CTNNA3: variants seen among roughly 807,000 people sequenced by gnomAD.
CTNNA3 encodes the protein catenin alpha 3.
A neutral mutation model predicts 95.7 loss-of-function variants in CTNNA3; 76 were observed. The observed-to-expected ratio is 0.79, with a 90% CI of 0.66 to 0.96. The LOEUF is 0.96. Among genes scored for constraint, CTNNA3 ranks in the 40% least tolerant of loss-of-function variants. The probability of loss-of-function intolerance (pLI) is 0.00; values close to 1 mark genes in which losing one functional copy is unlikely to be tolerated. For synonymous variants in CTNNA3, 431 were observed against 374.4 expected (o/e 1.15, Z -1.74); for missense variants, 1,191 against 1,089.8 (o/e 1.09, Z -1.31).
chr10:67,005,487 T>C (rs1319000292), intron 7 of CTNNA3, among the ~76,000 whole-genome samples: 1 of 151,988 alleles, frequency 6.6e-6, no homozygotes, highest in Non-Finnish European at 1.5e-5. Context: ...GGCCATAGGT[T>C]TTATATGGGA....
chr10:66,851,194 A>G (rs1164663506), intron 7 of CTNNA3, among the ~76,000 whole-genome samples: 1 of 151,920 alleles, frequency 6.6e-6, no homozygotes, highest in East Asian at 1.9e-4. Flanking sequence ...CTGTTCCCCA[A>G]ACACTTTATG....
intron 14 of CTNNA3, among the ~76,000 whole-genome samples, chr10:66,069,730 C>A (rs118101511): frequency 0.021 from 3,245 of 152,176 alleles, 40 homozygotes; most frequent in Non-Finnish European, 0.034. Context: ...AACTTGGTGT[C>A]CAACATACTT....
chr10:66,579,314 T>C (rs1255970068), intron 10 of CTNNA3, among the ~76,000 whole-genome samples: 1 of 151,846 alleles, frequency 6.6e-6, no homozygotes, highest in African/African-American at 2.4e-5. Context: ...ACAAAAGAAG[T>C]TCTTACATCA....
chr10:67,023,325 CA>C (rs1853147139), intron 7 of CTNNA3, among the ~76,000 whole-genome samples: 1 of 152,078 alleles, frequency 6.6e-6, no homozygotes, highest in Admixed American at 6.6e-5. Context: ...TAGAATAAGA[CA>C]TTCCTCCATG....
chr10:67,760,192 T>C (rs1309926097), intron 1 of CTNNA3, among the ~76,000 whole-genome samples: 1 of 152,138 alleles, frequency 6.6e-6, no homozygotes, highest in East Asian at 1.9e-4. Flanking sequence ...TCAGTATCAG[T>C]TGGGAGGATA....
intron 5 of CTNNA3, among the ~76,000 whole-genome samples, chr10:67,438,542 C>T (rs1846384223): frequency 6.6e-6 from 1 of 152,168 alleles, no homozygotes; most frequent in South Asian, 2.1e-4. Flanking sequence ...CAAATTTTAA[C>T]AACTAACTAC....
At chr10:67,388,046 C>T (rs1844269743) in intron 5 of CTNNA3, among the ~76,000 whole-genome samples, 1 of 151,496 alleles carries the variant, frequency 6.6e-6, no homozygotes, top group Admixed American at 6.6e-5. Context: ...AGCAACGGAA[C>T]AAAGCTGGAT....
chr10:67,172,867 C>T (rs1442074178), intron 7 of CTNNA3, among the ~76,000 whole-genome samples: 1 of 151,556 alleles, frequency 6.6e-6, no homozygotes, highest in Non-Finnish European at 1.5e-5. Flanking sequence ...CCCAGCTGCT[C>T]GAAAGGCTGA....
At chr10:67,481,404 G>A (rs1304494121) in intron 5 of CTNNA3, among the ~76,000 whole-genome samples, 4 of 152,098 alleles carry the variant, frequency 2.6e-5, no homozygotes, top group African/African-American at 9.7e-5. Context: ...AAAGGCTCCT[G>A]AAACAGATAA....
intron 1 of CTNNA3, chr10:67,750,535 TGA>T: frequency 1.3e-6 from 2 of 1,577,450 alleles, no homozygotes; most frequent in Non-Finnish European, 1.7e-6. Flanking sequence ...CCACTTTCTT[TGA>T]GAGACCCCTT....
At chr10:66,902,031 C>G (rs1465446178) in intron 7 of CTNNA3, among the ~76,000 whole-genome samples, 18 of 152,140 alleles carry the variant, frequency 1.2e-4, no homozygotes, top group Admixed American at 3.3e-4. Context: ...CCAAGCGGAC[C>G]TATTAGACAT....
At chr10:67,755,816 A>T (rs1230650790) in intron 1 of CTNNA3, among the ~76,000 whole-genome samples, 13 of 150,928 alleles carry the variant, frequency 8.6e-5, no homozygotes, top group Non-Finnish European at 1.8e-4. Context: ...AAAAAAAAAA[A>T]AAAAAAGAAA....
intron 11 of CTNNA3, among the ~76,000 whole-genome samples, chr10:66,387,686 G>A (rs1043193593): frequency 1.3e-5 from 2 of 152,102 alleles, no homozygotes; most frequent in African/African-American, 4.8e-5. Flanking sequence ...CAAAGACTTG[G>A]AACCAACCTC....
intron 5 of CTNNA3, among the ~76,000 whole-genome samples, chr10:67,481,889 G>C (rs1002134165): frequency 6.6e-6 from 1 of 151,910 alleles, no homozygotes; most frequent in South Asian, 2.1e-4. Flanking sequence ...TAGGTCTAAT[G>C]TTTAAGTCTT....
At chr10:66,918,812 A>G (rs1846629773) in intron 7 of CTNNA3, among the ~76,000 whole-genome samples, 1 of 151,854 alleles carries the variant, frequency 6.6e-6, no homozygotes, top group South Asian at 2.1e-4. Context: ...GTGTGTAGAT[A>G]GATAAATAGA....
intron 1 of CTNNA3, among the ~76,000 whole-genome samples, chr10:67,743,701 G>T (rs1279178219): frequency 6.6e-6 from 1 of 151,166 alleles, no homozygotes; most frequent in African/African-American, 2.4e-5. Context: ...AGGAAAAGAG[G>T]AAGTTAAATT....
At chr10:67,385,142 A>G (rs1427029238) in intron 5 of CTNNA3, among the ~76,000 whole-genome samples, 3 of 152,212 alleles carry the variant, frequency 2.0e-5, no homozygotes, top group Non-Finnish European at 4.4e-5. Context: ...TTTATATGCT[A>G]CTTTGTTGCT....
At chr10:66,313,737 T>A (rs1011005222) in intron 12 of CTNNA3, among the ~76,000 whole-genome samples, 1 of 152,102 alleles carries the variant, frequency 6.6e-6, no homozygotes, top group African/African-American at 2.4e-5. Context: ...GACAATGACA[T>A]AAAGACACTC....
chr10:66,068,214 T>A (rs886903714), intron 15 of CTNNA3, among the ~76,000 whole-genome samples: 12 of 152,162 alleles, frequency 7.9e-5, no homozygotes, highest in Non-Finnish European at 1.5e-4. Context: ...AAGGAGAAAG[T>A]GGTTAATAAT....
Sources: gnomAD v4.1 joint callset for allele counts (sites outside exome capture counted in the v4.1 genomes callset) on GRCh38, gnomAD v4.1.1 for gene constraint, MANE v1.5 for transcripts, NCBI Gene and HGNC (gene_info 2026-07-23, HGNC 2026-07-21) for gene names.